SIL1: variants seen among roughly 807,000 people sequenced by gnomAD.
The protein encoded by SIL1 is nucleotide exchange factor SIL1.
SIL1 carries 40 observed loss-of-function variants against 49.1 expected under a neutral mutation model. The ratio of observed to expected loss-of-function variants is 0.81; its 90% CI spans 0.63 to 1.06. SIL1 has a LOEUF of 1.06. SIL1 is among the 50% of genes least tolerant of loss of function. SIL1 has a pLI of 0.00. For missense variants in SIL1, 500 were observed against 572.6 expected, an observed-to-expected ratio of 0.87 and a Z score of 1.29; for synonymous variants, 253 against 250.8, an observed-to-expected ratio of 1.01 and a Z score of -0.08.
At chr5:139,064,453 A>C (rs937445624) in intron 3 of SIL1, among the ~76,000 whole-genome samples, 7 of 152,218 alleles carry the variant, frequency 4.6e-5, no homozygotes, top group Non-Finnish European at 1.0e-4. Context: ...CGGCAGTCAT[A>C]TAAACAACTG....
chr5:139,180,058 TAAA>T (rs33982607), intron 1 of SIL1, among the ~76,000 whole-genome samples: 1 of 122,140 alleles, frequency 8.2e-6, no homozygotes, highest in African/African-American at 3.1e-5. Flanking sequence ...CCTGTCTCTT[TAAA>T]AAAAAAAAAA....
rs1369044603 is a variant in SIL1 at position 138,948,910 on chromosome 5, CA to C, written c.1030-1438del. Among the ~76,000 whole-genome samples, 6 of 152,226 alleles carry C rather than the reference CA, an allele frequency of 3.9e-5. No homozygotes were observed. The highest frequency in any genetic ancestry group is 1.4e-4 in the African/African-American group (6 of 41,466). On this transcript the variant is annotated intron_variant, in intron 9 of 9. Coordinates refer to ENST00000394817, the MANE Select transcript of SIL1 (RefSeq NM_022464.5). This position sits in a 1 kb window ranked among gnomAD's most constrained non-coding sequence, Gnocchi z 4.8. ...AGTGCTCTTGCCCTCTCACCTTCCA[CA>C]ATGTTGTCATGCAACACAAAGGCTC...
At chr5:139,149,837 T>C (rs886806812) in intron 1 of SIL1, among the ~76,000 whole-genome samples, 1 of 152,204 alleles carries the variant, frequency 6.6e-6, no homozygotes, top group Non-Finnish European at 1.5e-5. Flanking sequence ...AAAGGGCTTA[T>C]GGAGAGTAGC....
At chr5:138,968,347 G>A (rs1410514981) in intron 7 of SIL1, among the ~76,000 whole-genome samples, 1 of 152,166 alleles carries the variant, frequency 6.6e-6, no homozygotes, top group Non-Finnish European at 1.5e-5. Context: ...TGCTGAAAAT[G>A]ACCCTGTTTC....
intron 3 of SIL1, among the ~76,000 whole-genome samples, chr5:139,066,010 C>T (rs1422986548): frequency 1.3e-5 from 2 of 152,178 alleles, no homozygotes; most frequent in East Asian, 1.9e-4. Context: ...ACTTCAGGAC[C>T]TCAGCATTCT....
chr5:139,031,066 G>C (rs994094982), intron 5 of SIL1, among the ~76,000 whole-genome samples: 5 of 152,120 alleles, frequency 3.3e-5, no homozygotes, highest in Non-Finnish European at 7.4e-5. Context: ...CCTTCCAGTA[G>C]TTTATCTTCT....
rs1359494001 is a variant in SIL1 at position 139,171,031 on chromosome 5, T to A, written c.-11+27238A>T. 2.2e-5 allele frequency among the ~76,000 whole-genome samples: 3 copies of A among 134,318 alleles called. No individual in the cohort carries two copies. The East Asian group carries it at 6.8e-4, about 30-fold the overall frequency. 88.1% of individuals were successfully genotyped at this position (134,318 alleles called of 152,430 possible). On this transcript the variant is annotated intron_variant, in intron 1 of 9. Coordinates refer to ENST00000394817, the MANE Select transcript of SIL1 (RefSeq NM_022464.5). ...CTGCCCAGCCGCCCCTACTGGGAAGTGAGGAGCCCCTCTGCCCGGCCAGCT... is the reference window on the plus strand; with the variant it reads ...CTGCCCAGCCGCCCCTACTGGGAAGAGAGGAGCCCCTCTGCCCGGCCAGCT...
intron 3 of SIL1, among the ~76,000 whole-genome samples, chr5:139,091,927 A>G (rs978189359): frequency 6.6e-6 from 1 of 152,226 alleles, no homozygotes; most frequent in Non-Finnish European, 1.5e-5. Flanking sequence ...GATGGGGGAA[A>G]GGGTTCACAC....
chr5:139,178,789 A>G (rs570171741), intron 1 of SIL1, among the ~76,000 whole-genome samples: 1 of 152,228 alleles, frequency 6.6e-6, no homozygotes, highest in East Asian at 1.9e-4. Context: ...TGACATATTC[A>G]TCAGTACACT....
intron 3 of SIL1, among the ~76,000 whole-genome samples, chr5:139,088,224 T>G (rs1386724155): frequency 6.6e-6 from 1 of 152,250 alleles, no homozygotes; most frequent in Non-Finnish European, 1.5e-5. Context: ...TGCTGACTGC[T>G]GACTAAGTGC....
intron 1 of SIL1, among the ~76,000 whole-genome samples, chr5:139,163,792 T>C (rs1023827305): frequency 5.3e-5 from 8 of 152,214 alleles, no homozygotes; most frequent in African/African-American, 1.4e-4. Context: ...AAAATTGCAA[T>C]TATTTCATCC....
intron 1 of SIL1, among the ~76,000 whole-genome samples, chr5:139,195,785 C>T (rs1032541442): frequency 2.0e-5 from 3 of 152,192 alleles, no homozygotes; most frequent in African/African-American, 4.8e-5. Context: ...AATTAAAACT[C>T]ATGTTCACCA....
chr5:138,967,776 C>G (rs529280894), intron 7 of SIL1, among the ~76,000 whole-genome samples: 5 of 152,192 alleles, frequency 3.3e-5, no homozygotes, highest in Non-Finnish European at 5.9e-5. Flanking sequence ...GCAGCCCCCC[C>G]AGGACTAGAG....
At chr5:139,065,858 T>A (rs1005849878) in intron 3 of SIL1, among the ~76,000 whole-genome samples, 22 of 152,348 alleles carry the variant, frequency 1.4e-4, no homozygotes, top group African/African-American at 5.3e-4. Flanking sequence ...CTCCCTCCTA[T>A]TCATAGGCAG....
intron 1 of SIL1, among the ~76,000 whole-genome samples, chr5:139,179,531 G>T (rs952666689): frequency 1.3e-5 from 2 of 152,144 alleles, no homozygotes; most frequent in African/African-American, 4.8e-5. Flanking sequence ...ACAGAAGCAG[G>T]AGGATCTTCT....
chr5:139,049,814 C>A (rs1008336597), intron 4 of SIL1, among the ~76,000 whole-genome samples: 32 of 147,564 alleles, frequency 2.2e-4, no homozygotes, highest in African/African-American at 6.7e-4. Context: ...AAAAAAAAAT[C>A]ATCATCATCA....
intron 3 of SIL1, among the ~76,000 whole-genome samples, chr5:139,088,525 G>A (rs904674627): frequency 2.0e-5 from 3 of 152,206 alleles, no homozygotes; most frequent in Non-Finnish European, 2.9e-5. Context: ...AATGGGAAGA[G>A]TCCTTGTGAA....
chr5:139,120,018 T>C (rs946664951), intron 3 of SIL1, among the ~76,000 whole-genome samples: 2 of 152,220 alleles, frequency 1.3e-5, no homozygotes, highest in Admixed American at 6.5e-5. Context: ...CGGTGCTTCA[T>C]CACTCTTCTG....
intron 3 of SIL1, among the ~76,000 whole-genome samples, chr5:139,103,754 T>A (rs967539683): frequency 1.3e-5 from 2 of 152,212 alleles, no homozygotes; most frequent in Admixed American, 6.5e-5. Context: ...GGAGTCAGCA[T>A]AAGCATGAAG....
Sources: gnomAD v4.1 joint callset for allele counts (sites outside exome capture counted in the v4.1 genomes callset) on GRCh38, gnomAD v4.1.1 for gene constraint, Gnocchi (gnomAD v3.1) non-coding constraint, MANE v1.5 for transcripts, NCBI Gene and HGNC (gene_info 2026-07-23, HGNC 2026-07-21) for gene names.